The following HPGDS variants were observed in gnomAD, a reference collection of about 807,000 sequenced individuals.
The protein encoded by HPGDS is hematopoietic prostaglandin D synthase.
HPGDS carries 26 observed loss-of-function variants against 23.1 expected under a neutral mutation model. The observed-to-expected ratio is 1.13, with a 90% CI of 0.83 to 1.56. HPGDS has a LOEUF of 1.56. Among genes scored for constraint, HPGDS ranks in the 40% most tolerant of loss-of-function variants. HPGDS has a pLI of 0.00. For synonymous variants in HPGDS, 95 were observed against 77.9 expected, an observed-to-expected ratio of 1.22 and a Z score of -1.16; for missense variants, 268 against 236.4, an observed-to-expected ratio of 1.13 and a Z score of -0.88.
intron 2 of HPGDS, among the ~76,000 whole-genome samples, chr4:94,328,325 G>C (rs1336889862): frequency 6.6e-6 from 1 of 152,208 alleles, no homozygotes; most frequent in African/African-American, 2.4e-5. Context: ...TTGAGGAGAT[G>C]AGTGTCAGTT....
chr4:94,320,509 C>A (rs1395097428), intron 2 of HPGDS, among the ~76,000 whole-genome samples: 1 of 152,172 alleles, frequency 6.6e-6, no homozygotes, highest in Non-Finnish European at 1.5e-5. Context: ...TCTGTGATGA[C>A]CAGTGATGAC....
chr4:94,316,983 A>C (rs1214504037), intron 3 of HPGDS, among the ~76,000 whole-genome samples: 1 of 152,232 alleles, frequency 6.6e-6, no homozygotes, highest in Non-Finnish European at 1.5e-5. Context: ...ATTTCTTCTA[A>C]ACTTTCAAAG....
chr4:94,330,069 G>A (rs930338181), intron 2 of HPGDS, among the ~76,000 whole-genome samples: 1 of 152,212 alleles, frequency 6.6e-6, no homozygotes, highest in Non-Finnish European at 1.5e-5. Flanking sequence ...AATGGCAGAT[G>A]TACAGTAACA....
chr4:94,325,626 AAGAC>A (rs1756615286), intron 2 of HPGDS, among the ~76,000 whole-genome samples: 1 of 152,180 alleles, frequency 6.6e-6, no homozygotes, highest in Non-Finnish European at 1.5e-5. Context: ...GCCATTTGCT[AAGAC>A]CATTGGAAAA....
chr4:94,317,903 C>T lies in HPGDS; in HGVS notation c.196G>A (p.Ala66Thr), dbSNP rs1261445522. 2 of 1,611,790 alleles carry T rather than the reference C, an allele frequency of 1.2e-6. No homozygotes were observed. The highest frequency in any genetic ancestry group is 1.7e-5 in the Admixed American group (1 of 59,870). ...VDGLTLHQSL[A>T]IARYLTKNTD... The stretch of plus-strand genomic sequence containing the variant: ...TTTTTGGTCAAATATCTTGCTATTG[C>T]TAGGCTCTGGTGAAGAGTAAGTCCA... The change falls in exon 3 of 6, where the codon GCA becomes ACA. Residue 66 changes from alanine (A) to threonine (T), a missense_variant. By Grantham distance (58) the Ala-to-Thr change is moderately conservative. Transcript: ENST00000295256.
chr4:94,324,271 G>C (rs908533855), intron 2 of HPGDS, among the ~76,000 whole-genome samples: 2 of 152,082 alleles, frequency 1.3e-5, no homozygotes, highest in East Asian at 1.9e-4. Flanking sequence ...TGTCTTTGTG[G>C]TGTTCTCTGT....
intron 2 of HPGDS, among the ~76,000 whole-genome samples, chr4:94,324,797 A>G (rs896170595): frequency 2.6e-5 from 4 of 152,090 alleles, no homozygotes; most frequent in African/African-American, 7.2e-5. Context: ...AGCTTGTTCC[A>G]TTGCTCGCAA....
intron 1 of HPGDS, among the ~76,000 whole-genome samples, chr4:94,341,286 A>T (rs1024794254): frequency 6.6e-6 from 1 of 152,210 alleles, no homozygotes; most frequent in African/African-American, 2.4e-5. Flanking sequence ...ACAAACTTTT[A>T]TAATAAAACA....
intron 3 of HPGDS, among the ~76,000 whole-genome samples, chr4:94,315,483 G>C (rs917894691): frequency 6.6e-6 from 1 of 152,054 alleles, no homozygotes; most frequent in African/African-American, 2.4e-5. Context: ...AAATAATAGA[G>C]GGTTTTTTTT....
In HPGDS at chr4:94,317,866, ATGTTACC is replaced by A. The variant is rs1341059916; in HGVS notation, c.226_226+6del. 5 of 1,544,102 alleles carry A rather than the reference ATGTTACC, an allele frequency of 3.2e-6. No homozygotes were observed. Among genetic ancestry groups the A allele is most frequent in the African/African-American group, 2.7e-5 (2 of 73,456 alleles). On this transcript the variant is annotated splice_donor_variant and splice_donor_5th_base_variant and coding_sequence_variant and intron_variant, in exon 3 of 6. Transcript: ENST00000295256. LOFTEE classifies it high-confidence loss of function. ...ATCAAAAATCTTAAGCACAATAAAC[ATGTTACC>A]TGTGTTTTTGGTCAAATATCTTGCT...
intron 2 of HPGDS, among the ~76,000 whole-genome samples, chr4:94,325,467 A>G (rs1161267083): frequency 6.6e-6 from 1 of 152,042 alleles, no homozygotes; most frequent in Non-Finnish European, 1.5e-5. Flanking sequence ...CGCTTTGTTT[A>G]CCTACTCAAG....
intron 3 of HPGDS, among the ~76,000 whole-genome samples, chr4:94,314,784 C>A (rs1320153300): frequency 6.6e-6 from 1 of 152,188 alleles, no homozygotes; most frequent in Non-Finnish European, 1.5e-5. Flanking sequence ...TGGTGGGCTC[C>A]ACCCCTTTCG....
chr4:94,313,313 G>A (rs1252601161), intron 3 of HPGDS, among the ~76,000 whole-genome samples: 1 of 152,178 alleles, frequency 6.6e-6, no homozygotes, highest in Non-Finnish European at 1.5e-5. Context: ...TCCTTCAGGA[G>A]CTCTTGTAGG....
At chr4:94,310,426 A>G (rs1756240696) in intron 3 of HPGDS, among the ~76,000 whole-genome samples, 1 of 152,204 alleles carries the variant, frequency 6.6e-6, no homozygotes, top group Non-Finnish European at 1.5e-5. Context: ...GGTTTGTCAA[A>G]GATCAGATGG....
chr4:94,320,071 TC>T (rs1476415561), intron 2 of HPGDS, among the ~76,000 whole-genome samples: 2 of 152,190 alleles, frequency 1.3e-5, no homozygotes, highest in East Asian at 1.9e-4. Context: ...TTCATCCATG[TC>T]CCTACAAAGG....
At chr4:94,317,755 T>C (rs78232926) in intron 3 of HPGDS, 118 bp downstream of exon 3, 6,623 of 582,312 alleles carry the variant, frequency 0.011, 153 homozygotes, top group African/African-American at 0.075. Context: ...TTTCTCTTAT[T>C]TAATTCCATT....
intron 5 of HPGDS, 67 bp downstream of exon 5, chr4:94,302,078 AG>A: frequency 8.5e-7 from 1 of 1,182,284 alleles, no homozygotes; most frequent in Non-Finnish European, 1.2e-6. Context: ...TTTTTCAGTA[AG>A]TTTTTATACT....
intron 3 of HPGDS, among the ~76,000 whole-genome samples, chr4:94,316,497 C>T (rs892972328): frequency 1.2e-4 from 11 of 89,702 alleles, no homozygotes; most frequent in South Asian, 3.3e-4. Flanking sequence ...ATAATCTTCC[C>T]AAAATGCATA....
chr4:94,331,739 C>G (rs538821815), intron 2 of HPGDS, among the ~76,000 whole-genome samples: 1 of 152,292 alleles, frequency 6.6e-6, no homozygotes, highest in East Asian at 1.9e-4. Flanking sequence ...CAAGACATGT[C>G]TGTTGTCCCA....
Sources: allele counts gnomAD v4.1 joint callset (sites outside exome capture counted in the v4.1 genomes callset), GRCh38; gene constraint gnomAD v4.1.1; transcripts MANE v1.5; gene names NCBI Gene and HGNC (gene_info 2026-07-23, HGNC 2026-07-21).